The following CNTNAP5 variants were observed in gnomAD, a reference collection of about 807,000 sequenced individuals.
CNTNAP5 encodes contactin-associated protein-like 5.
CNTNAP5 carries 72 observed loss-of-function variants against 150.2 expected under a neutral mutation model. That is an observed-to-expected ratio of 0.48 (90% CI 0.40 to 0.58). CNTNAP5 has a LOEUF of 0.58. CNTNAP5 is among the 20% of genes least tolerant of loss of function. The pLI, the probability that CNTNAP5 is intolerant of heterozygous loss-of-function variation, is 0.00. For missense variants in CNTNAP5, 1,636 were observed against 1,626.2 expected, an observed-to-expected ratio of 1.01 and a Z score of -0.10; for synonymous variants, 672 against 619.8, an observed-to-expected ratio of 1.08 and a Z score of -1.25.
intron 3 of CNTNAP5, among the ~76,000 whole-genome samples, chr2:124,265,059 A>G (rs1407912651): frequency 6.6e-6 from 1 of 152,122 alleles, no homozygotes; most frequent in Non-Finnish European, 1.5e-5. Context: ...ATGTGGGGAG[A>G]CTTCTCACTT....
chr2:124,218,507 G>A (rs1686219409), intron 1 of CNTNAP5, among the ~76,000 whole-genome samples: 1 of 152,096 alleles, frequency 6.6e-6, no homozygotes, highest in African/African-American at 2.4e-5. Context: ...TTCCCAAAAA[G>A]CCACTGTTCA....
At chr2:124,569,162 A>C (rs1301588206) in intron 11 of CNTNAP5, among the ~76,000 whole-genome samples, 3 of 152,220 alleles carry the variant, frequency 2.0e-5, no homozygotes, top group Non-Finnish European at 4.4e-5. Context: ...GGTTTTAAGA[A>C]TCTTGATTCA....
At chr2:124,409,890 A>G (rs1228679204) in intron 3 of CNTNAP5, among the ~76,000 whole-genome samples, 2 of 151,654 alleles carry the variant, frequency 1.3e-5, no homozygotes, top group South Asian at 2.1e-4. Context: ...TTAACTTTAA[A>G]TGTAAATGGA....
chr2:124,790,044 C>A lies in CNTNAP5; in HGVS notation c.2895C>A (p.Gly965=). Reference sequence around the variant, plus strand: ...GCCCCGGCCACTGCAGCAGCTACGGCAGCATCTGCCACAACGGGGGCAAGT... The same window carrying A: ...GCCCCGGCCACTGCAGCAGCTACGGAAGCATCTGCCACAACGGGGGCAAGT... The part of the protein sequence containing the change: ...PGCPGHCSSY[G]SICHNGGKCV... The change falls in exon 18 of 24, where the codon GGC becomes GGA. Residue 965 remains glycine, a synonymous_variant. Coordinates refer to ENST00000682447, the MANE Select transcript of CNTNAP5 (RefSeq NM_001367498.1). 1 of 1,613,916 alleles carries A rather than the reference C, an allele frequency of 6.2e-7. No homozygotes were observed. The highest frequency in any genetic ancestry group is 8.5e-7 in the Non-Finnish European group (1 of 1,179,852).
At chr2:124,493,064 A>G (rs1694067643) in intron 7 of CNTNAP5, among the ~76,000 whole-genome samples, 1 of 152,082 alleles carries the variant, frequency 6.6e-6, no homozygotes, top group Non-Finnish European at 1.5e-5. Context: ...AAAGCTGTCA[A>G]CCTTTAATGT....
At chr2:124,344,646 C>T (rs1573929816) in intron 3 of CNTNAP5, among the ~76,000 whole-genome samples, 1 of 152,032 alleles carries the variant, frequency 6.6e-6, no homozygotes, top group Non-Finnish European at 1.5e-5. Flanking sequence ...GTTCCAGCTC[C>T]TCAGGAGGCT....
intron 19 of CNTNAP5, among the ~76,000 whole-genome samples, chr2:124,826,932 T>C (rs1307836896): frequency 6.6e-6 from 1 of 152,040 alleles, no homozygotes; most frequent in African/African-American, 2.4e-5. Flanking sequence ...TCTTTCTTTT[T>C]TTTCTTGAGA....
At chr2:124,071,408 A>G (rs1682301677) in intron 1 of CNTNAP5, among the ~76,000 whole-genome samples, 1 of 151,948 alleles carries the variant, frequency 6.6e-6, no homozygotes, top group Non-Finnish European at 1.5e-5. Context: ...AACAAAATGA[A>G]AAGTTTGTTT....
chr2:124,670,129 C>CTTCT (rs1429837167), intron 13 of CNTNAP5, among the ~76,000 whole-genome samples: 1 of 140,282 alleles, frequency 7.1e-6, no homozygotes, highest in South Asian at 2.4e-4. Flanking sequence ...CTTTTCCTTC[C>CTTCT]TTCTTTCCTT....
chr2:124,697,611 GAAAAAAA>G (rs5834084), intron 13 of CNTNAP5, among the ~76,000 whole-genome samples: 2 of 128,422 alleles, frequency 1.6e-5, no homozygotes, highest in Non-Finnish European at 3.2e-5. Flanking sequence ...CCCTTAGTTT[GAAAAAAA>G]AAAAAAAAAA....
intron 19 of CNTNAP5, among the ~76,000 whole-genome samples, chr2:124,811,709 G>T (rs1006743961): frequency 6.6e-5 from 9 of 137,070 alleles, no homozygotes; most frequent in African/African-American, 3.2e-4. Flanking sequence ...TAGGAGGCGG[G>T]GGGGGTGGAT....
rs1210078013 is a variant in CNTNAP5 at position 124,336,869 on chromosome 2, T to C, written c.382-80574T>C. On this transcript the variant is annotated intron_variant, in intron 3 of 23. Coordinates refer to ENST00000682447, the MANE Select transcript of CNTNAP5 (RefSeq NM_001367498.1). The stretch of plus-strand genomic sequence containing the variant: ...TGTGTCTTTACAGCAGCATGATTTA[T>C]AATCCTTTGGGTATATACCCAGTAA... Among the ~76,000 whole-genome samples, 4 of 152,196 alleles carry C rather than the reference T, an allele frequency of 2.6e-5. No individual in the cohort carries two copies. The East Asian group carries it at 7.7e-4, about 29-fold the overall frequency.
chr2:124,758,136 C>T (rs1377182787), intron 14 of CNTNAP5, among the ~76,000 whole-genome samples: 1 of 151,886 alleles, frequency 6.6e-6, no homozygotes, highest in Non-Finnish European at 1.5e-5. Context: ...AAACTGAGTC[C>T]GGCAGCATGA....
intron 1 of CNTNAP5, among the ~76,000 whole-genome samples, chr2:124,050,508 G>A (rs535137041): frequency 6.1e-4 from 92 of 152,010 alleles, no homozygotes; most frequent in Non-Finnish European, 1.2e-3. Context: ...GATTTTGTTA[G>A]CAAGATCTTA....
chr2:124,192,609 AG>A (rs1328007946), intron 1 of CNTNAP5, among the ~76,000 whole-genome samples: 1 of 152,060 alleles, frequency 6.6e-6, no homozygotes, highest in Non-Finnish European at 1.5e-5. Context: ...TCCACCTCTC[AG>A]CTTCTGCATC....
At chr2:124,862,342 T>C (rs1190568128) in intron 19 of CNTNAP5, among the ~76,000 whole-genome samples, 2 of 152,206 alleles carry the variant, frequency 1.3e-5, no homozygotes, top group Non-Finnish European at 2.9e-5. Context: ...GCCAGAATAT[T>C]CAATTCATTC....
chr2:124,510,285 C>CTATA (rs1439563096), intron 8 of CNTNAP5, among the ~76,000 whole-genome samples: 6 of 73,282 alleles, frequency 8.2e-5, no homozygotes, highest in South Asian at 3.6e-4. Context: ...ATATCTATAT[C>CTATA]TATATATCTA....
intron 19 of CNTNAP5, among the ~76,000 whole-genome samples, chr2:124,799,826 T>G (rs1336637653): frequency 6.6e-6 from 1 of 152,160 alleles, no homozygotes; most frequent in Non-Finnish European, 1.5e-5. Context: ...TCCTTCTTTC[T>G]AAGATAAAAA....
At chr2:124,172,075 C>G (rs1203274248) in intron 1 of CNTNAP5, among the ~76,000 whole-genome samples, 1 of 152,132 alleles carries the variant, frequency 6.6e-6, no homozygotes, top group African/African-American at 2.4e-5. Context: ...TTCCATATCC[C>G]TCATGCCTAT....
Sources: allele counts gnomAD v4.1 joint callset (sites outside exome capture counted in the v4.1 genomes callset), GRCh38; gene constraint gnomAD v4.1.1; transcripts MANE v1.5; gene names NCBI Gene and HGNC (gene_info 2026-07-23, HGNC 2026-07-21).